The following RPL23A variants were observed in gnomAD, a reference collection of about 807,000 sequenced individuals.
RPL23A encodes the protein ribosomal protein L23a.
Under a neutral mutation model 17.6 loss-of-function variants are expected in RPL23A, and 2 were observed. That is an observed-to-expected ratio of 0.11 (90% confidence interval 0.05 to 0.36). The LOEUF (loss-of-function observed/expected upper bound fraction) is 0.36. Among genes scored for constraint, RPL23A ranks in the 10% least tolerant of loss-of-function variants. The probability of loss-of-function intolerance (pLI) is 1.00; values close to 1 mark genes in which losing one functional copy is unlikely to be tolerated. For synonymous variants in RPL23A, 65 were observed against 74.3 expected (o/e 0.87, Z 0.65); for missense variants, 132 against 194.4 (o/e 0.68, Z 1.91).
chr17:28,720,179 G>GGCCGCGTGGGCCCA lies in RPL23A; in HGVS notation c.25+153_25+166dup. On this transcript the variant is annotated intron_variant, in intron 1 of 4. Coordinates refer to ENST00000422514, the MANE Select transcript of RPL23A (RefSeq NM_000984.6). Reference sequence around the variant, plus strand: ...TTTCGGACACGCTGCAGTATACGTGGGCCGCGTGGGCCCAGCCTCGTGGGC... The same window carrying GGCCGCGTGGGCCCA: ...TTTCGGACACGCTGCAGTATACGTGGGCCGCGTGGGCCCAGCCGCGTGGGCCCAGCCTCGTGGGC... 1.0e-5 allele frequency: 16 copies of GGCCGCGTGGGCCCA among 1,529,350 alleles called. 1 individual carries two copies. In the South Asian group the frequency reaches 1.8e-4, roughly 17 times the overall value. 94.7% of individuals were successfully genotyped at this position (1,529,350 alleles called of 1,614,324 possible). A position where few individuals can be genotyped will look rare whatever the true frequency, so the allele number is the denominator to read the frequency against.
At chr17:28,720,284 G>A (rs1240160924) in intron 1 of RPL23A, 1 of 1,548,578 alleles carries the variant, frequency 6.5e-7, no homozygotes, top group South Asian at 1.2e-5. Flanking sequence ...TCGGTTCTGG[G>A]AAGCTACATG....
chr17:28,720,912 C>G lies in RPL23A; in HGVS notation c.209+22C>G, dbSNP rs201385588. The G allele has an allele frequency of 9.6e-5, 154 of 1,600,748 alleles. No homozygotes were observed. In the African/African-American group the frequency reaches 1.7e-3, roughly 18 times the overall value. On this transcript the variant is annotated intron_variant, in intron 2 of 4. Coordinates refer to ENST00000422514, the MANE Select transcript of RPL23A (RefSeq NM_000984.6). ...ACAAGTCAGTACTGCCCCCTGTACC[C>G]ATGAAAAGATTTGGGTATTCTCCAT... is the stretch of plus-strand genomic sequence containing the variant.
Position 28,723,808 on chromosome 17 carries a change from C to T in RPL23A, c.457-59C>T, listed in dbSNP as rs1257162730. ...TCCTCATTTTGCTTTCTAAAAATAA[C>T]ATTCCAGCTTAATCTTCATATTTCA... On this transcript the variant is annotated intron_variant, in intron 4 of 4. Transcript: ENST00000422514. 5.2e-6 allele frequency: 8 copies of T among 1,531,946 alleles called. No homozygotes were observed. In the African/African-American group the frequency reaches 6.8e-5, roughly 13 times the overall value. 94.9% of individuals were successfully genotyped at this position (1,531,946 alleles called of 1,614,324 possible).
intron 3 of RPL23A, chr17:28,723,337 C>G (rs771995550): frequency 9.7e-6 from 7 of 718,422 alleles, no homozygotes; most frequent in Non-Finnish European, 1.5e-5. Flanking sequence ...AACTAGAGTG[C>G]GACACGTGGC....
chr17:28,720,663 G>T (rs1161723217), intron 1 of RPL23A, 44 bp from the exon 2 acceptor site: 1 of 1,607,562 alleles, frequency 6.2e-7, no homozygotes, highest in Non-Finnish European at 8.5e-7. Context: ...GGAAGTGACC[G>T]ATTTCTAAAT....
chr17:28,722,363 G>A (rs573003825), intron 2 of RPL23A: 3,859 of 359,404 alleles, frequency 0.011, 43 homozygotes, highest in South Asian at 0.026. Flanking sequence ...ATTTTTAGTT[G>A]AGAGGGAGTT....
At position 28,724,240 on chromosome 17, in the gene RPL23A, G is replaced by A; in HGVS notation, c.*359G>A. 3.7e-6 allele frequency: 2 copies of A among 543,078 alleles called. No individual in the cohort carries two copies. Among genetic ancestry groups the A allele is most frequent in the East Asian group, 6.1e-5 (2 of 32,794 alleles). The allele number at this position is 543,078 out of a possible 1,614,324, so 33.6% of individuals were successfully genotyped here. On this transcript the variant is annotated 3_prime_UTR_variant, in exon 5 of 5. Coordinates refer to ENST00000422514, the MANE Select transcript of RPL23A (RefSeq NM_000984.6). Reference sequence around the variant, plus strand: ...GGGTGTTAGCATCCATTTCAGGGGAGTGTGGATTGGCTGGCTCTCTGGTAG... The same window carrying A: ...GGGTGTTAGCATCCATTTCAGGGGAATGTGGATTGGCTGGCTCTCTGGTAG...
chr17:28,722,517 T>C (rs975056862), intron 2 of RPL23A: 3 of 725,654 alleles, frequency 4.1e-6, no homozygotes, highest in Admixed American at 3.5e-5. Context: ...TAAGAGCCCT[T>C]CAAGAGAAAG....
chr17:28,720,963 T>G, intron 2 of RPL23A, 73 bp downstream of exon 2: 1 of 1,327,606 alleles, frequency 7.5e-7, no homozygotes, highest in Non-Finnish European at 1.1e-6. Flanking sequence ...TCACTCACTC[T>G]GCGTGATGGT....
At chr17:28,723,401 T>C (rs780778635) in intron 3 of RPL23A, 170 bp from the exon 4 acceptor site, 10 of 770,516 alleles carry the variant, frequency 1.3e-5, no homozygotes, top group Admixed American at 6.8e-5. Flanking sequence ...CATAAGAGAA[T>C]TGGCTTTGTG....
chr17:28,720,087 C>G (rs1349264600), intron 1 of RPL23A, 57 bp downstream of exon 1: 33 of 1,546,952 alleles, frequency 2.1e-5, no homozygotes, highest in Non-Finnish European at 2.1e-5. Context: ...CGCCGCAGAG[C>G]GAACGAATTG....
chr17:28,720,092 G>A, intron 1 of RPL23A, 62 bp downstream of exon 1: 2 of 1,545,354 alleles, frequency 1.3e-6, no homozygotes, highest in African/African-American at 1.4e-5. Context: ...CAGAGCGAAC[G>A]AATTGGGAAC....
chr17:28,721,016 AG>A, intron 2 of RPL23A, 126 bp downstream of exon 2: 1 of 813,958 alleles, frequency 1.2e-6, no homozygotes, highest in Non-Finnish European at 2.0e-6. Flanking sequence ...TCTAATTGGA[AG>A]TATGAGGAGA....
chr17:28,720,707 C>T lies in RPL23A; in HGVS notation c.26C>T (p.Ala9Val). ...CACGTTTTCTTTCCTTTTCTCCCAG[C>T]TCCTGCCCCTCCTAAAGCTGAAGCC... Reference protein sequence around the residue: MAPKAKKEAPAPPKAEAKA... With the variant: MAPKAKKEVPAPPKAEAKA... Residue 9 changes from alanine (A) to valine (V), a missense_variant and splice_region_variant, in exon 2 of 5, where the codon GCT (alanine) becomes GTT (valine). Physicochemically the swap from Ala to Val is moderately conservative, Grantham distance 64 (BLOSUM62 0). This residue lies in a region of RPL23A where 63 missense variants were observed against 48.9 expected (regional missense o/e 1.29). Transcript: ENST00000422514. 1 of 1,614,118 alleles carries T rather than the reference C, an allele frequency of 6.2e-7. No homozygotes were observed. Among genetic ancestry groups the T allele is most frequent in the Non-Finnish European group, 8.5e-7 (1 of 1,179,972 alleles).
Position 28,723,024 on chromosome 17 carries a change from C to T in RPL23A, c.386+125C>T, listed in dbSNP as rs543939505. 8.5e-5 allele frequency: 61 copies of T among 715,070 alleles called. 1 individual carries two copies. Among genetic ancestry groups the T allele is most frequent in the South Asian group, 5.5e-4 (32 of 58,578 alleles). 44.3% of individuals were successfully genotyped at this position (715,070 alleles called of 1,614,324 possible). A position where few individuals can be genotyped will look rare whatever the true frequency, so the allele number is the denominator to read the frequency against. ...GTAATGCAGGACTACACGTGTAGTC[C>T]GAGCTATGCAGGAGGATCTCTTGAG... On this transcript the variant is annotated intron_variant, in intron 3 of 4. Coordinates refer to ENST00000422514, the MANE Select transcript of RPL23A (RefSeq NM_000984.6).
At chr17:28,722,471 C>A in intron 2 of RPL23A, 1 of 611,186 alleles carries the variant, frequency 1.6e-6, no homozygotes, top group Admixed American at 1.9e-5. Context: ...GCCAGCACAC[C>A]TGGCCCAGAG....
chr17:28,723,822 C>G (rs772709877), intron 4 of RPL23A, 45 bp from the exon 5 acceptor site: 2 of 1,577,856 alleles, frequency 1.3e-6, no homozygotes, highest in Non-Finnish European at 1.7e-6. Context: ...CCAGCTTAAT[C>G]TTCATATTTC....
intron 4 of RPL23A, 66 bp downstream of exon 4, chr17:28,723,706 G>A (rs553853018): frequency 3.0e-5 from 44 of 1,489,222 alleles, no homozygotes; most frequent in East Asian, 9.0e-5. Flanking sequence ...ATATGTTAGC[G>A]ACCAAAGCCT....
At chr17:28,721,063 G>A in intron 2 of RPL23A, 173 bp downstream of exon 2, 1 of 629,886 alleles carries the variant, frequency 1.6e-6, no homozygotes. Context: ...GGCAGGATCA[G>A]CCCAGAGGCC....
Sources: allele counts gnomAD v4.1 joint callset, GRCh38; gene constraint gnomAD v4.1.1; regional missense constraint gnomAD v4.1.1; transcripts MANE v1.5; gene names NCBI Gene and HGNC (gene_info 2026-07-23, HGNC 2026-07-21).